The following UBASH3B variants were observed in gnomAD, a reference collection of about 807,000 sequenced individuals.
UBASH3B encodes the protein ubiquitin associated and SH3 domain containing B, also known as ubiquitin-associated and SH3 domain-containing protein B.
A neutral mutation model predicts 83.4 loss-of-function variants in UBASH3B; 37 were observed. The ratio of observed to expected loss-of-function variants is 0.44; its 90% CI spans 0.34 to 0.58. The LOEUF (loss-of-function observed/expected upper bound fraction) is 0.58, where lower values mean the gene tolerates loss of function less well. Among genes scored for constraint, UBASH3B ranks in the 20% least tolerant of loss-of-function variants. The probability of loss-of-function intolerance (pLI) is 0.01; values close to 1 mark genes in which losing one functional copy is unlikely to be tolerated. For missense variants in UBASH3B, 657 were observed against 827.2 expected (o/e 0.79, Z 2.52); for synonymous variants, 304 against 318.3 (o/e 0.96, Z 0.48).
chr11:122,716,769 TCA>T (rs1860532464), intron 1 of UBASH3B, among the ~76,000 whole-genome samples: 2 of 152,050 alleles, frequency 1.3e-5, no homozygotes, highest in Admixed American at 6.5e-5. Context: ...GGAGTCCAGT[TCA>T]GTTTTCTGAA....
chr11:122,779,935 C>T (rs751553859), intron 4 of UBASH3B, among the ~76,000 whole-genome samples: 20 of 152,192 alleles, frequency 1.3e-4, no homozygotes, highest in East Asian at 7.7e-4. Flanking sequence ...TATTCCCTAA[C>T]ACCCAAGTTG....
At position 122,789,121 on chromosome 11, in the gene UBASH3B, T is replaced by C; in HGVS notation, c.793T>C (p.Tyr265His). Residue 265 changes from tyrosine (Y) to histidine (H), a missense_variant, in exon 6 of 14, where the codon TAT becomes CAT. Around this residue, in one of 3 missense-constraint regions of UBASH3B, gnomAD observed 573 missense variants for 739.0 expected, o/e 0.78. Transcript: ENST00000284273. Reference protein sequence around the residue: ...NHETLQVIYPYTPQNDDELEL... With the variant: ...NHETLQVIYPHTPQNDDELEL... ...CCAGACATTACAGGTCATCTACCCC[T>C]ATACCCCACAAAATGACGATGAGCT... is the stretch of plus-strand genomic sequence containing the variant. The C allele has an allele frequency of 6.2e-7, 1 of 1,613,408 alleles. No individual in the cohort carries two copies. The highest frequency in any genetic ancestry group is 8.5e-7 in the Non-Finnish European group (1 of 1,179,948).
At chr11:122,713,466 G>A (rs2135938316) in intron 1 of UBASH3B, among the ~76,000 whole-genome samples, 1 of 152,212 alleles carries the variant, frequency 6.6e-6, no homozygotes, top group South Asian at 2.1e-4. Context: ...AAAAGGCCTT[G>A]GAAGGAATAT....
rs371049167 is a variant in UBASH3B, at chr11:122,813,614, A to T, written c.*3728A>T. The T allele has an allele frequency of 3.9e-5, 6 of 152,314 alleles. No individual in the cohort carries two copies. The highest frequency in any genetic ancestry group is 1.4e-4 in the African/African-American group (6 of 41,578). The allele number at this position is 152,314 out of a possible 1,614,324, so 9.4% of individuals were successfully genotyped here. On this transcript the variant is annotated 3_prime_UTR_variant, in exon 14 of 14. Transcript: ENST00000284273. ...ATTGCAATCCAGCACACGTGTGAGA[A>T]AGAAGAGGCACTAGTCTAAAAGGCT...
intron 1 of UBASH3B, among the ~76,000 whole-genome samples, chr11:122,736,422 T>C (rs1030046789): frequency 1.3e-5 from 2 of 151,728 alleles, no homozygotes; most frequent in African/African-American, 4.8e-5. Flanking sequence ...GACCTGGCCT[T>C]TTTCTCCAAG....
intron 1 of UBASH3B, among the ~76,000 whole-genome samples, chr11:122,771,190 TC>T (rs1404322781): frequency 2.6e-5 from 4 of 152,060 alleles, no homozygotes; most frequent in African/African-American, 7.2e-5. Flanking sequence ...ACTTCAGATG[TC>T]CTTCTGCTTT....
At chr11:122,805,540 A>AAAC (rs940341742) in intron 11 of UBASH3B, among the ~76,000 whole-genome samples, 10 of 152,190 alleles carry the variant, frequency 6.6e-5, no homozygotes, top group African/African-American at 2.2e-4. Flanking sequence ...CTCAAAAATA[A>AAAC]AACAACAACA....
At chr11:122,771,483 C>T (rs1591806365) in intron 1 of UBASH3B, among the ~76,000 whole-genome samples, 1 of 152,156 alleles carries the variant, frequency 6.6e-6, no homozygotes, top group African/African-American at 2.4e-5. Flanking sequence ...TCAGGTGATC[C>T]ACCCGCCTTG....
Position 122,703,063 on chromosome 11 carries a change from C to T in UBASH3B, c.161+46853C>T, listed in dbSNP as rs193090827. Among the ~76,000 whole-genome samples, 379 of 152,272 alleles carry T rather than the reference C, an allele frequency of 2.5e-3. 1 individual carries two copies. Among genetic ancestry groups the T allele is most frequent in the African/African-American group, 8.9e-3 (370 of 41,556 alleles). On this transcript the variant is annotated intron_variant, in intron 1 of 13. Coordinates refer to ENST00000284273, the MANE Select transcript of UBASH3B (RefSeq NM_032873.5). ...CCTCTTTCCTCTTTCCCCCAAGCCT[C>T]GCCCACAGCAGGTACTTAGTAGATG... is the stretch of plus-strand genomic sequence containing the variant.
At chr11:122,741,791 A>G (rs1861029821) in intron 1 of UBASH3B, among the ~76,000 whole-genome samples, 1 of 151,774 alleles carries the variant, frequency 6.6e-6, no homozygotes, top group South Asian at 2.1e-4. Flanking sequence ...GGAGTCAGCA[A>G]CCCTCCTTTG....
At chr11:122,726,500 C>T (rs935932387) in intron 1 of UBASH3B, among the ~76,000 whole-genome samples, 1 of 152,028 alleles carries the variant, frequency 6.6e-6, no homozygotes, top group African/African-American at 2.4e-5. Flanking sequence ...CAGGTGTCTG[C>T]TACCATGCCC....
intron 1 of UBASH3B, among the ~76,000 whole-genome samples, chr11:122,690,167 CATATATATATATATATATATATATAT>C (rs57203901): frequency 1.4e-4 from 6 of 43,570 alleles, no homozygotes; most frequent in Admixed American, 4.1e-4. Context: ...GGCAGGAAAA[CATATATATATATATATATATATATAT>C]ATATATATAT....
intron 1 of UBASH3B, among the ~76,000 whole-genome samples, chr11:122,771,788 CACTAAAA>C (rs1229499988): frequency 8.0e-6 from 1 of 125,050 alleles, no homozygotes; most frequent in Non-Finnish European, 1.8e-5. Context: ...CACACACACA[CACTAAAA>C]TAATAATCAC....
intron 1 of UBASH3B, among the ~76,000 whole-genome samples, chr11:122,675,874 A>G (rs1863661573): frequency 6.6e-6 from 1 of 152,212 alleles, no homozygotes; most frequent in Non-Finnish European, 1.5e-5. Context: ...AATTAAATAG[A>G]GAGAGAGTGA....
intron 1 of UBASH3B, among the ~76,000 whole-genome samples, chr11:122,695,241 G>A (rs1290542344): frequency 6.6e-6 from 1 of 152,128 alleles, no homozygotes; most frequent in African/African-American, 2.4e-5. Flanking sequence ...TGGGATTGCA[G>A]GCGTGAGCCA....
chr11:122,678,394 T>G (rs888694353), intron 1 of UBASH3B, among the ~76,000 whole-genome samples: 10 of 152,162 alleles, frequency 6.6e-5, no homozygotes, highest in Non-Finnish European at 1.5e-5. Flanking sequence ...AGCCTAGATC[T>G]GTCTGGCTGA....
chr11:122,724,558 G>A (rs1009781386), intron 1 of UBASH3B, among the ~76,000 whole-genome samples: 9 of 142,890 alleles, frequency 6.3e-5, no homozygotes, highest in Non-Finnish European at 1.3e-4. Flanking sequence ...AGAGGACTGC[G>A]GGGACACAGA....
chr11:122,783,941 CT>C (rs35464960), intron 5 of UBASH3B, among the ~76,000 whole-genome samples: 22,870 of 142,006 alleles, frequency 0.16, 1,746 homozygotes, highest in Middle Eastern at 0.24. Flanking sequence ...ATAATATTGC[CT>C]TTTTTTTTTT....
chr11:122,688,936 G>C (rs988144259), intron 1 of UBASH3B, among the ~76,000 whole-genome samples: 2 of 149,824 alleles, frequency 1.3e-5, no homozygotes, highest in African/African-American at 5.0e-5. Context: ...GAGCCACCGC[G>C]CCCGGCTAAT....
Sources: allele counts gnomAD v4.1 joint callset (sites outside exome capture counted in the v4.1 genomes callset), GRCh38; gene constraint gnomAD v4.1.1; regional missense constraint gnomAD v4.1.1; transcripts MANE v1.5; gene names NCBI Gene and HGNC (gene_info 2026-07-23, HGNC 2026-07-21).